Variants in GRAMD4 observed in about 807,000 individuals in gnomAD.
GRAMD4 encodes the protein GRAM domain containing 4.
Under a neutral mutation model 83.9 loss-of-function variants are expected in GRAMD4, and 25 were observed. That is an observed-to-expected ratio of 0.30 (90% CI 0.22 to 0.42). The LOEUF (loss-of-function observed/expected upper bound fraction) is 0.42. Among genes scored for constraint, GRAMD4 ranks in the 10% least tolerant of loss-of-function variants. GRAMD4 has a pLI of 1.00. For synonymous variants in GRAMD4, 336 were observed against 320.9 expected (o/e 1.05, Z -0.50); for missense variants, 593 against 788.7 (o/e 0.75, Z 2.97).
At chr22:46,650,433 A>G (rs968328541) in intron 3 of GRAMD4, among the ~76,000 whole-genome samples, 2 of 150,648 alleles carry the variant, frequency 1.3e-5, no homozygotes, top group Non-Finnish European at 3.0e-5. Flanking sequence ...TGGAGGGCTG[A>G]GCATTGAGGC....
intron 1 of GRAMD4, among the ~76,000 whole-genome samples, chr22:46,608,366 T>A (rs2147080504): frequency 6.6e-6 from 1 of 152,226 alleles, no homozygotes; most frequent in African/African-American, 2.4e-5. Flanking sequence ...ACCTTGCGGG[T>A]TTTTGATCTT....
chr22:46,634,979 T>C (rs137926030), intron 2 of GRAMD4, among the ~76,000 whole-genome samples: 87 of 151,926 alleles, frequency 5.7e-4, no homozygotes, highest in Middle Eastern at 6.8e-3. Context: ...ATAGAAAACA[T>C]TCAAAATGTC....
At chr22:46,599,249 G>A (rs546572778) in intron 1 of GRAMD4, among the ~76,000 whole-genome samples, 2 of 152,260 alleles carry the variant, frequency 1.3e-5, no homozygotes, top group Admixed American at 6.5e-5. Context: ...TGTCAGTTAC[G>A]CAATTTGCAG....
intron 5 of GRAMD4, among the ~76,000 whole-genome samples, chr22:46,662,364 C>G (rs1278216781): frequency 6.6e-6 from 1 of 152,264 alleles, no homozygotes; most frequent in Non-Finnish European, 1.5e-5. Flanking sequence ...GCACCCGCTG[C>G]AGGCGGCTCC....
intron 3 of GRAMD4, among the ~76,000 whole-genome samples, chr22:46,656,046 G>T (rs112529483): frequency 0.013 from 1,995 of 152,240 alleles, 32 homozygotes; most frequent in Middle Eastern, 0.031. Flanking sequence ...GACAGGCCCA[G>T]TGCCCCCCAC....
chr22:46,643,854 G>T (rs2082026332), intron 3 of GRAMD4, among the ~76,000 whole-genome samples: 1 of 152,132 alleles, frequency 6.6e-6, no homozygotes, highest in South Asian at 2.1e-4. Context: ...ATGATGTAGA[G>T]AATTCTTTTT....
Position 46,637,860 on chromosome 22 carries a change from C to T in GRAMD4, c.183C>T (p.Ile61=). The T allele has an allele frequency of 6.2e-7, 1 of 1,614,098 alleles. No individual in the cohort carries two copies. Among genetic ancestry groups the T allele is most frequent in the Non-Finnish European group, 8.5e-7 (1 of 1,179,938 alleles). The part of the protein sequence containing the change: ...LRDPAGPGTL[I]MATGVQDFNR... ...TCTAGGCTGGTCCAGGGACCCTCAT[C>T]ATGGCCACAGGAGTCCAGGACTTTA... Residue 61 remains isoleucine, a synonymous_variant, in exon 3 of 19, where the codon ATC becomes ATT. Transcript: ENST00000406902.
At chr22:46,591,872 G>A (rs909762670) in intron 1 of GRAMD4, among the ~76,000 whole-genome samples, 4 of 30,142 alleles carry the variant, frequency 1.3e-4, no homozygotes, top group East Asian at 1.5e-3. Flanking sequence ...GCCAACCCCC[G>A]CACCCCTCAG....
chr22:46,650,398 A>T (rs13057917), intron 3 of GRAMD4, among the ~76,000 whole-genome samples: 21 of 144,268 alleles, frequency 1.5e-4, no homozygotes, highest in South Asian at 6.8e-4. Context: ...CGAGGCTGGG[A>T]GGAGGGCTGA....
At chr22:46,655,415 G>A (rs2147311960) in intron 3 of GRAMD4, among the ~76,000 whole-genome samples, 1 of 152,322 alleles carries the variant, frequency 6.6e-6, no homozygotes, top group African/African-American at 2.4e-5. Context: ...AGCCGGACGG[G>A]AGGGTGTGCC....
At chr22:46,675,995 G>A (rs548137600) in intron 17 of GRAMD4, among the ~76,000 whole-genome samples, 1 of 152,356 alleles carries the variant, frequency 6.6e-6, no homozygotes, top group East Asian at 1.9e-4. Context: ...GTGGCCACAA[G>A]TGCCTGTGGT....
intron 1 of GRAMD4, chr22:46,577,417 C>CCGCCG (rs2081053279): frequency 4.5e-5 from 2 of 44,766 alleles, no homozygotes; most frequent in African/African-American, 1.0e-4. Flanking sequence ...CGCCGCCGCC[C>CCGCCG]GGGCCCGAGC....
chr22:46,603,106 T>G (rs567516824), intron 1 of GRAMD4, among the ~76,000 whole-genome samples: 2 of 152,144 alleles, frequency 1.3e-5, no homozygotes, highest in South Asian at 4.2e-4. Context: ...TGGTGTGTGT[T>G]GAAATTTTTT....
At chr22:46,674,821 G>A in intron 16 of GRAMD4, 71 bp downstream of exon 16, 1 of 1,082,044 alleles carries the variant, frequency 9.2e-7, no homozygotes, top group Non-Finnish European at 1.4e-6. Context: ...GCCCTGGGAT[G>A]GCGTGGCTGG....
At chr22:46,649,659 T>A (rs9616085) in intron 3 of GRAMD4, among the ~76,000 whole-genome samples, 35,158 of 152,240 alleles carry the variant, frequency 0.23, 4,612 homozygotes, top group East Asian at 0.4. Flanking sequence ...CTTGGAAGCT[T>A]GCTCCTTCCT....
rs1219898296 is a variant in GRAMD4, at chr22:46,678,929, A to T, written c.*1678A>T. 1 of 985,770 alleles carries T rather than the reference A, an allele frequency of 1.0e-6. No individual in the cohort carries two copies. Among genetic ancestry groups the T allele is most frequent in the Non-Finnish European group, 1.2e-6 (1 of 830,014 alleles). 61.1% of individuals were successfully genotyped at this position (985,770 alleles called of 1,614,324 possible). A position where few individuals can be genotyped will look rare whatever the true frequency, so the allele number is the denominator to read the frequency against. ...TCTGGACTGCGCGGACGTTGGCGTC[A>T]GGATGACCACACGGCGGCCTTTCCC... On this transcript the variant is annotated 3_prime_UTR_variant, in exon 19 of 19. Transcript: ENST00000406902.
chr22:46,682,306 A>G (rs1277177250), downstream of GRAMD4: 2 of 434,378 alleles, frequency 4.6e-6, no homozygotes, highest in African/African-American at 2.1e-5. Context: ...CACAGCTGGC[A>G]TCGCAAGCTA....
At chr22:46,652,442 C>T (rs2082180099) in intron 3 of GRAMD4, among the ~76,000 whole-genome samples, 2 of 152,182 alleles carry the variant, frequency 1.3e-5, no homozygotes, top group Admixed American at 1.3e-4. Flanking sequence ...ACTTCTGACC[C>T]CAGAACTGTA....
intron 18 of GRAMD4, among the ~76,000 whole-genome samples, chr22:46,676,936 G>T (rs944993021): frequency 6.6e-6 from 1 of 152,252 alleles, no homozygotes; most frequent in African/African-American, 2.4e-5. Context: ...AGGGAGGCAC[G>T]GGGCTAAAGC....
Sources: allele counts gnomAD v4.1 joint callset (sites outside exome capture counted in the v4.1 genomes callset), GRCh38; gene constraint gnomAD v4.1.1; transcripts MANE v1.5; gene names NCBI Gene and HGNC (gene_info 2026-07-23, HGNC 2026-07-21).